Variants in CRY1 observed in about 807,000 individuals in gnomAD.
The protein encoded by CRY1 is cryptochrome-1.
A neutral mutation model predicts 76.0 loss-of-function variants in CRY1; 45 were observed. The ratio of observed to expected loss-of-function variants is 0.59; its 90% CI spans 0.47 to 0.76. The LOEUF (loss-of-function observed/expected upper bound fraction) is 0.76. CRY1 is among the 30% of genes least tolerant of loss of function. CRY1 has a pLI of 0.00. For synonymous variants in CRY1, 248 were observed against 244.0 expected (o/e 1.02, Z -0.15); for missense variants, 587 against 716.4 (o/e 0.82, Z 2.06).
At chr12:107,064,114 A>G (rs554678888) in intron 1 of CRY1, among the ~76,000 whole-genome samples, 5 of 152,312 alleles carry the variant, frequency 3.3e-5, no homozygotes, top group Admixed American at 3.3e-4. Flanking sequence ...ATATTCTATT[A>G]CGACCGGGAT....
In CRY1 at chr12:107,031,209, T is replaced by C. The variant is rs1593513852; in HGVS notation, c.159-9017A>G. Among the ~76,000 whole-genome samples the C allele has an allele frequency of 2.0e-5, 3 of 152,282 alleles. No homozygotes were observed. The East Asian group carries it at 5.8e-4, about 29-fold the overall frequency. ...CAGGTCACAGGGAGCTAAAGTCAGC[T>C]TTAGCCCTGGGGATTTCTGCAGAGC... is the stretch of plus-strand genomic sequence containing the variant. On this transcript the variant is annotated intron_variant, in intron 1 of 12. Transcript: ENST00000008527.
At chr12:107,050,201 G>A (rs971608565) in intron 1 of CRY1, 2 of 152,100 alleles carry the variant, frequency 1.3e-5, no homozygotes, top group Non-Finnish European at 2.9e-5. Context: ...AAACAATGAG[G>A]AGGGCTGGGA....
At chr12:107,066,710 C>T (rs183531174) in intron 1 of CRY1, among the ~76,000 whole-genome samples, 121 of 152,120 alleles carry the variant, frequency 8.0e-4, no homozygotes, top group Non-Finnish European at 3.7e-4. Flanking sequence ...AACATCCACC[C>T]GCCTCGGCCT....
chr12:107,022,885 G>A (rs1163894191), intron 1 of CRY1, among the ~76,000 whole-genome samples: 3 of 151,688 alleles, frequency 2.0e-5, no homozygotes, highest in Non-Finnish European at 2.9e-5. Flanking sequence ...GAGTTGGGGT[G>A]GAGATTATAG....
intron 1 of CRY1, among the ~76,000 whole-genome samples, chr12:107,091,408 ATC>A (rs1176100297): frequency 6.6e-6 from 1 of 152,046 alleles, no homozygotes; most frequent in East Asian, 1.9e-4. Context: ...TATAACCAGC[ATC>A]TGTTTATTTC....
At chr12:107,062,025 CAAA>C (rs35683352) in intron 1 of CRY1, among the ~76,000 whole-genome samples, 8 of 93,560 alleles carry the variant, frequency 8.6e-5, no homozygotes, top group African/African-American at 1.9e-4. Context: ...GACCCTGTCT[CAAA>C]AAAAAAAAAA....
At chr12:107,045,723 T>C (rs1416840417) in intron 1 of CRY1, among the ~76,000 whole-genome samples, 1 of 152,076 alleles carries the variant, frequency 6.6e-6, no homozygotes, top group Non-Finnish European at 1.5e-5. Context: ...GGCTAGCCAG[T>C]TGTCCCAGCT....
intron 1 of CRY1, among the ~76,000 whole-genome samples, chr12:107,054,113 T>C (rs1174724227): frequency 2.0e-5 from 3 of 152,170 alleles, no homozygotes; most frequent in Admixed American, 6.5e-5. Context: ...ATAGTAGATA[T>C]GTGGGTAAAT....
intron 1 of CRY1, among the ~76,000 whole-genome samples, chr12:107,036,928 T>G (rs1335591708): frequency 6.6e-6 from 1 of 152,152 alleles, no homozygotes; most frequent in Non-Finnish European, 1.5e-5. Flanking sequence ...GCCCCTAGCA[T>G]TCCTGAGCCC....
At chr12:107,021,705 T>C (rs1037893306) in intron 2 of CRY1, among the ~76,000 whole-genome samples, 1 of 151,932 alleles carries the variant, frequency 6.6e-6, no homozygotes, top group African/African-American at 2.4e-5. Context: ...TATACACATA[T>C]ATATATACAC....
chr12:107,005,304 T>C, intron 2 of CRY1, 56 bp from the exon 3 acceptor site: 1 of 1,518,628 alleles, frequency 6.6e-7, no homozygotes, highest in Non-Finnish European at 8.8e-7. Context: ...ATTTTTTCTA[T>C]TATAACGAAA....
chr12:107,021,228 C>G (rs548506845), intron 2 of CRY1, among the ~76,000 whole-genome samples: 1 of 152,086 alleles, frequency 6.6e-6, no homozygotes, highest in South Asian at 2.1e-4. Flanking sequence ...GGTTGTAGTG[C>G]GCTGAGATTG....
At chr12:107,013,771 G>T (rs1309755974) in intron 2 of CRY1, among the ~76,000 whole-genome samples, 1 of 152,028 alleles carries the variant, frequency 6.6e-6, no homozygotes, top group East Asian at 1.9e-4. Flanking sequence ...AAGATTTCAA[G>T]AACTTCATAT....
At chr12:107,016,440 A>G (rs1367031297) in intron 2 of CRY1, among the ~76,000 whole-genome samples, 1 of 152,266 alleles carries the variant, frequency 6.6e-6, no homozygotes, top group South Asian at 2.1e-4. Context: ...AGTAAAACTA[A>G]AAGTTGTAAA....
At chr12:107,041,878 C>T (rs561519174) in intron 1 of CRY1, among the ~76,000 whole-genome samples, 1 of 151,972 alleles carries the variant, frequency 6.6e-6, no homozygotes, top group Admixed American at 6.6e-5. Flanking sequence ...AAATATCGTC[C>T]CCCAATAAGA....
Position 107,092,869 on chromosome 12 carries a change from G to C in CRY1, c.93C>G (p.Ile31Met), listed in dbSNP as rs201633344. 6 of 1,610,692 alleles carry C rather than the reference G, an allele frequency of 3.7e-6. No individual in the cohort carries two copies. The highest frequency in any genetic ancestry group is 5.1e-6 in the Non-Finnish European group (6 of 1,179,528). ...AGGGGTCCAGGATGTAGACGCAGCG[G>C]ATGGTGTCGGCGCCCTGAATGCACT... ...LKECIQGADT[I>M]RCVYILDPWF... is the part of the protein sequence containing the mutation. Residue 31 changes from isoleucine to methionine, a missense_variant, in exon 1 of 13, where the codon ATC (isoleucine) becomes ATG (methionine). Coordinates refer to ENST00000008527, the MANE Select transcript of CRY1 (RefSeq NM_004075.5).
intron 2 of CRY1, among the ~76,000 whole-genome samples, chr12:107,009,751 CA>C: frequency 6.7e-6 from 1 of 150,358 alleles, no homozygotes; most frequent in South Asian, 2.1e-4. Flanking sequence ...AGTGTCTTTA[CA>C]AAAAAAACTT....
chr12:107,042,202 T>C (rs1248023327), intron 1 of CRY1, among the ~76,000 whole-genome samples: 1 of 152,078 alleles, frequency 6.6e-6, no homozygotes, highest in African/African-American at 2.4e-5. Flanking sequence ...CTAATAAATA[T>C]AGGATGAATG....
intron 2 of CRY1, among the ~76,000 whole-genome samples, chr12:107,020,131 A>T (rs1952537951): frequency 6.6e-6 from 1 of 150,540 alleles, no homozygotes; most frequent in Admixed American, 6.7e-5. Context: ...ACAGTTGTGA[A>T]CCCTCTTTAT....
Sources: gnomAD v4.1 joint callset for allele counts (sites outside exome capture counted in the v4.1 genomes callset) on GRCh38, gnomAD v4.1.1 for gene constraint, MANE v1.5 for transcripts, NCBI Gene and HGNC (gene_info 2026-07-23, HGNC 2026-07-21) for gene names.